Variants in PCGF5 observed in about 807,000 individuals in gnomAD.
PCGF5 encodes the protein polycomb group ring finger 5.
PCGF5 carries 9 observed loss-of-function variants against 44.3 expected under a neutral mutation model. The observed-to-expected ratio is 0.20, with a 90% CI of 0.12 to 0.35. The LOEUF is 0.35. PCGF5 is among the 10% of genes least tolerant of loss of function. The pLI is 1.00. For synonymous variants in PCGF5, 95 were observed against 102.5 expected (o/e 0.93, Z 0.44); for missense variants, 146 against 305.3 (o/e 0.48, Z 3.89).
chr10:91,186,579 T>G (rs1001844601), intron 1 of PCGF5, among the ~76,000 whole-genome samples: 2 of 85,874 alleles, frequency 2.3e-5, no homozygotes, highest in Non-Finnish European at 5.2e-5. Context: ...TGTATATATA[T>G]GTGTGTGTAT....
intron 1 of PCGF5, among the ~76,000 whole-genome samples, chr10:91,181,731 G>A (rs892935110): frequency 6.6e-6 from 1 of 152,156 alleles, no homozygotes; most frequent in Non-Finnish European, 1.5e-5. Flanking sequence ...CTTGATGGTG[G>A]CAGATAAGCT....
chr10:91,157,434 T>C, the PCGF5 span, among the ~76,000 whole-genome samples: 2 of 152,354 alleles, frequency 1.3e-5, no homozygotes, highest in South Asian at 2.1e-4. Context: ...CATTTTACTA[T>C]GCCTATAAAA....
intron 2 of PCGF5, chr10:91,227,694 G>A: frequency 4.8e-6 from 5 of 1,047,396 alleles, no homozygotes; most frequent in Non-Finnish European, 5.8e-6. Flanking sequence ...TTTCCTAAAG[G>A]TATCCCGTTG....
chr10:91,204,713 A>G (rs1844309729), intron 1 of PCGF5, among the ~76,000 whole-genome samples: 1 of 152,184 alleles, frequency 6.6e-6, no homozygotes, highest in Non-Finnish European at 1.5e-5. Flanking sequence ...CCAACTCATT[A>G]TTGCCACGTC....
chr10:91,234,504 C>G (rs1845098552), intron 2 of PCGF5, among the ~76,000 whole-genome samples: 1 of 152,038 alleles, frequency 6.6e-6, no homozygotes, highest in African/African-American at 2.4e-5. Flanking sequence ...GTAGAAATGG[C>G]TAGGGTAGAA....
At chr10:91,239,130 C>T (rs1286972292) in intron 2 of PCGF5, among the ~76,000 whole-genome samples, 1 of 151,844 alleles carries the variant, frequency 6.6e-6, no homozygotes, top group Non-Finnish European at 1.5e-5. Context: ...TTTTGGGGGG[C>T]GGAGGGGGAG....
chr10:91,211,487 T>C (rs550040648), intron 1 of PCGF5, among the ~76,000 whole-genome samples: 1 of 152,332 alleles, frequency 6.6e-6, no homozygotes, highest in Non-Finnish European at 1.5e-5. Context: ...GCCATACTTG[T>C]CCCTGCCTTC....
At chr10:91,219,847 T>A (rs537669537), upstream of PCGF5, among the ~76,000 whole-genome samples, 225 of 152,272 alleles carry the variant, frequency 1.5e-3, no homozygotes, top group African/African-American at 5.1e-3. Flanking sequence ...GACTAGCGGT[T>A]GTTAAGTTTG....
At chr10:91,267,320 T>C (rs542102899) in intron 8 of PCGF5, among the ~76,000 whole-genome samples, 1 of 152,344 alleles carries the variant, frequency 6.6e-6, no homozygotes, top group Non-Finnish European at 1.5e-5. Context: ...TACTCCCTTT[T>C]CATGCCTTAT....
intron 1 of PCGF5, among the ~76,000 whole-genome samples, chr10:91,190,848 A>G (rs114614478): frequency 1.3e-3 from 202 of 152,310 alleles, no homozygotes; most frequent in African/African-American, 4.7e-3. Context: ...TTTAGAAACT[A>G]TTTCACATCA....
chr10:91,213,399 T>C (rs541032569), intron 1 of PCGF5, among the ~76,000 whole-genome samples: 18 of 152,214 alleles, frequency 1.2e-4, no homozygotes, highest in Non-Finnish European at 2.4e-4. Flanking sequence ...CACAAATTAG[T>C]TCTGTGTCAG....
chr10:91,177,101 T>C (rs977109637), intron 1 of PCGF5, among the ~76,000 whole-genome samples: 3 of 152,266 alleles, frequency 2.0e-5, no homozygotes, highest in Admixed American at 6.5e-5. Context: ...ATGTCCTTTC[T>C]GTTTGTTAGT....
chr10:91,183,191 G>T (rs1226000989), intron 1 of PCGF5, among the ~76,000 whole-genome samples: 1 of 152,112 alleles, frequency 6.6e-6, no homozygotes, highest in East Asian at 1.9e-4. Flanking sequence ...TGTCAGTGGG[G>T]TGTTAAAGTC....
At chr10:91,167,649 A>G (rs550679233) in intron 1 of PCGF5, among the ~76,000 whole-genome samples, 69 of 152,288 alleles carry the variant, frequency 4.5e-4, no homozygotes, top group African/African-American at 1.6e-3. Context: ...GGGGAGGGGA[A>G]ATTAGGACTA....
At chr10:91,235,137 T>C (rs965454641) in intron 2 of PCGF5, among the ~76,000 whole-genome samples, 5 of 152,196 alleles carry the variant, frequency 3.3e-5, no homozygotes, top group Admixed American at 2.6e-4. Flanking sequence ...AGTCATCTTT[T>C]GGCTGCATCA....
chr10:91,181,933 A>T (rs917359089), intron 1 of PCGF5, among the ~76,000 whole-genome samples: 2 of 152,154 alleles, frequency 1.3e-5, no homozygotes, highest in African/African-American at 4.8e-5. Flanking sequence ...TATTTCCAGT[A>T]GGAATGGTAG....
chr10:91,242,470 C>A (rs908883914), intron 3 of PCGF5, among the ~76,000 whole-genome samples: 2 of 152,036 alleles, frequency 1.3e-5, no homozygotes, highest in African/African-American at 4.8e-5. Flanking sequence ...CCTCTCTGTT[C>A]TTAAAGGGCC....
At chr10:91,267,435 TTGTTC>T (rs1406477973) in intron 8 of PCGF5, among the ~76,000 whole-genome samples, 1 of 152,248 alleles carries the variant, frequency 6.6e-6, no homozygotes, top group East Asian at 1.9e-4. Flanking sequence ...GGATTTTTGT[TTGTTC>T]ACTGCTAAAT....
chr10:91,248,859 C>T (rs760807569), intron 5 of PCGF5, 135 bp downstream of exon 5: 31 of 730,288 alleles, frequency 4.2e-5, no homozygotes, highest in African/African-American at 2.6e-4. Flanking sequence ...ATTTACATTA[C>T]GAACCTTTTT....
Sources: allele counts gnomAD v4.1 joint callset (sites outside exome capture counted in the v4.1 genomes callset), GRCh38; gene constraint gnomAD v4.1.1; transcripts MANE v1.5; gene names NCBI Gene and HGNC (gene_info 2026-07-23, HGNC 2026-07-21).